The following SS18 variants were observed in gnomAD, a reference collection of about 807,000 sequenced individuals.
SS18 encodes the protein protein SSXT.
In SS18, 28 loss-of-function variants were observed where a neutral mutation model predicts 72.5. That is an observed-to-expected ratio of 0.39 (90% CI 0.29 to 0.53). The LOEUF (loss-of-function observed/expected upper bound fraction) is 0.53. SS18 is among the 20% of genes least tolerant of loss of function. SS18 has a pLI of 0.76. For missense variants in SS18, 518 were observed against 535.3 expected (o/e 0.97, Z 0.32); for synonymous variants, 172 against 164.2 (o/e 1.05, Z -0.37).
At chr18:26,064,464 G>C (rs182779029) in intron 3 of SS18, among the ~76,000 whole-genome samples, 200 of 152,226 alleles carry the variant, frequency 1.3e-3, no homozygotes, top group South Asian at 4.3e-3. Flanking sequence ...AATGTAAGTT[G>C]ATTTAACTTT....
chr18:26,078,165 T>C lies in SS18; in HGVS notation c.147-5A>G. 1.2e-6 allele frequency: 2 copies of C among 1,604,700 alleles called. No homozygotes were observed. The highest frequency in any genetic ancestry group is 2.2e-5 in the East Asian group (1 of 44,594). On this transcript the variant is annotated splice_region_variant and splice_polypyrimidine_tract_variant and intron_variant, in intron 2 of 10. Coordinates refer to ENST00000415083, the MANE Select transcript of SS18 (RefSeq NM_001007559.3). ...GTGTGCAACATCTGCTGATACCTAT[T>C]AAAACAAAACAAGTATCAGTATTAA...
At chr18:26,056,719 C>A (rs1158924750) in intron 4 of SS18, among the ~76,000 whole-genome samples, 1 of 152,102 alleles carries the variant, frequency 6.6e-6, no homozygotes, top group Non-Finnish European at 1.5e-5. Context: ...ATTTTATTTC[C>A]ATTACTGCTA....
chr18:26,054,641 C>T (rs918541507), intron 4 of SS18, among the ~76,000 whole-genome samples: 1 of 150,794 alleles, frequency 6.6e-6, no homozygotes, highest in Non-Finnish European at 1.5e-5. Flanking sequence ...AGAAAAGATA[C>T]ATAATAGTAT....
chr18:26,076,737 G>C (rs971168641), intron 3 of SS18, among the ~76,000 whole-genome samples: 1 of 151,848 alleles, frequency 6.6e-6, no homozygotes, highest in Non-Finnish European at 1.5e-5. Flanking sequence ...CATGTCAGAG[G>C]AACACAGGAG....
chr18:26,068,615 G>A (rs1232313953), intron 3 of SS18: 3 of 152,188 alleles, frequency 2.0e-5, no homozygotes, highest in Non-Finnish European at 4.4e-5. Context: ...CTTAACAGAT[G>A]CTTTGCCAGG....
At chr18:26,055,524 G>A (rs1245128963) in intron 4 of SS18, among the ~76,000 whole-genome samples, 1 of 152,004 alleles carries the variant, frequency 6.6e-6, no homozygotes, top group Non-Finnish European at 1.5e-5. Flanking sequence ...GTAGTGATTT[G>A]ACCCAGATCA....
rs933000460 is a variant in SS18 at position 26,018,276 on chromosome 18, T to A, written c.*78A>T. 1 of 1,256,538 alleles carries A rather than the reference T, an allele frequency of 8.0e-7. No individual in the cohort carries two copies. Among genetic ancestry groups the A allele is most frequent in the Non-Finnish European group, 1.1e-6 (1 of 876,958 alleles). The allele number at this position is 1,256,538 out of a possible 1,614,324, so 77.8% of individuals were successfully genotyped here. A position where few individuals can be genotyped will look rare whatever the true frequency, so the allele number is the denominator to read the frequency against. ...AACTAGATGGAATGGAAGGATCTCT[T>A]CACAGGGAGGTGTCCACAGTGCTGA... On this transcript the variant is annotated 3_prime_UTR_variant, in exon 11 of 11. Coordinates refer to ENST00000415083, the MANE Select transcript of SS18 (RefSeq NM_001007559.3).
intron 3 of SS18, among the ~76,000 whole-genome samples, chr18:26,060,802 A>AAAAG (rs1404374678): frequency 1.4e-5 from 2 of 143,284 alleles, no homozygotes; most frequent in Non-Finnish European, 3.0e-5. Flanking sequence ...AAAAAAAAAA[A>AAAAG]AAAATCAGCC....
In SS18 at chr18:26,016,792, ACACT is replaced by A. The variant is rs961912104; in HGVS notation, c.*1558_*1561del. 6 of 231,774 alleles carry A rather than the reference ACACT, an allele frequency of 2.6e-5. No individual in the cohort carries two copies. The highest frequency in any genetic ancestry group is 4.3e-5 in the Non-Finnish European group (5 of 117,058). The allele number at this position is 231,774 out of a possible 1,614,324, so 14.4% of individuals were successfully genotyped here. On this transcript the variant is annotated 3_prime_UTR_variant, in exon 11 of 11. Transcript: ENST00000415083. ...TTCTGACCTTGAAACACACAAACAC[ACACT>A]CTCTCTCTCATACACACACAGAGAC... is the stretch of plus-strand genomic sequence containing the variant.
chr18:26,039,513 A>C, intron 5 of SS18, 57 bp from the exon 6 acceptor site: 1,951 of 1,421,538 alleles, frequency 1.4e-3, no homozygotes, highest in Non-Finnish European at 1.7e-3. Context: ...TTAACATCTC[A>C]AGAGAAATAA....
chr18:26,063,389 G>A (rs770458468), intron 3 of SS18, among the ~76,000 whole-genome samples: 1 of 152,076 alleles, frequency 6.6e-6, no homozygotes, highest in Non-Finnish European at 1.5e-5. Context: ...CGTGGTGGCG[G>A]GCGCCTGTAG....
chr18:26,075,135 ATTG>A (rs997692396), intron 3 of SS18, among the ~76,000 whole-genome samples: 3 of 151,966 alleles, frequency 2.0e-5, no homozygotes, highest in African/African-American at 7.2e-5. Flanking sequence ...TTTCTAAAGA[ATTG>A]TACCAATCAT....
chr18:26,027,118 G>C (rs572267554), intron 10 of SS18, among the ~76,000 whole-genome samples: 2 of 152,184 alleles, frequency 1.3e-5, no homozygotes, highest in East Asian at 1.9e-4. Flanking sequence ...GGAATCCAAA[G>C]AACTTACAGT....
intron 5 of SS18, among the ~76,000 whole-genome samples, chr18:26,050,833 C>G (rs764548148): frequency 6.6e-6 from 1 of 151,998 alleles, no homozygotes; most frequent in Non-Finnish European, 1.5e-5. Context: ...GGTGTGAACC[C>G]GGGAGGCGGA....
intron 7 of SS18, among the ~76,000 whole-genome samples, chr18:26,036,553 G>T (rs2053629243): frequency 6.6e-6 from 1 of 151,962 alleles, no homozygotes; most frequent in Non-Finnish European, 1.5e-5. Flanking sequence ...TGTTGACAGA[G>T]TATATCTTTA....
intron 3 of SS18, among the ~76,000 whole-genome samples, chr18:26,060,708 C>T (rs935013850): frequency 2.3e-5 from 3 of 130,526 alleles, no homozygotes; most frequent in African/African-American, 5.6e-5. Context: ...GCAGATCACT[C>T]GAAGCCAGAA....
At chr18:26,049,390 C>T (rs2053883401) in intron 5 of SS18, among the ~76,000 whole-genome samples, 1 of 152,168 alleles carries the variant, frequency 6.6e-6, no homozygotes, top group East Asian at 1.9e-4. Flanking sequence ...TTTCTAGGCA[C>T]CTGGGATACA....
chr18:26,020,000 T>C (rs2053320101), intron 10 of SS18, among the ~76,000 whole-genome samples: 3 of 152,080 alleles, frequency 2.0e-5, no homozygotes, highest in Admixed American at 2.0e-4. Context: ...GATAAACTGA[T>C]GAAGTTGGGT....
chr18:26,066,681 CAATT>C (rs1265011295), intron 3 of SS18, among the ~76,000 whole-genome samples: 2 of 151,966 alleles, frequency 1.3e-5, no homozygotes, highest in African/African-American at 4.8e-5. Context: ...TATCTGGACT[CAATT>C]AGTCTTCTGA....
Sources: gnomAD v4.1 joint callset for allele counts (sites outside exome capture counted in the v4.1 genomes callset) on GRCh38, gnomAD v4.1.1 for gene constraint, MANE v1.5 for transcripts, NCBI Gene and HGNC (gene_info 2026-07-23, HGNC 2026-07-21) for gene names.